The following ERC1 variants were observed in gnomAD, a reference collection of about 807,000 sequenced individuals.
ERC1 encodes the protein RAB6 interacting protein 2.
In ERC1, 56 loss-of-function variants were observed where a neutral mutation model predicts 132.0. The observed-to-expected ratio is 0.42, with a 90% CI of 0.34 to 0.53. ERC1 has a LOEUF of 0.53. Among genes scored for constraint, ERC1 ranks in the 20% least tolerant of loss-of-function variants. The pLI is 0.03. For synonymous variants in ERC1, 478 were observed against 476.1 expected, an observed-to-expected ratio of 1.00 and a Z score of -0.05; for missense variants, 1,202 against 1,349.9, an observed-to-expected ratio of 0.89 and a Z score of 1.72.
intron 17 of ERC1, among the ~76,000 whole-genome samples, chr12:1,414,724 C>T (rs1397759092): frequency 1.3e-5 from 2 of 152,076 alleles, no homozygotes; most frequent in Non-Finnish European, 2.9e-5. Flanking sequence ...CTCCCTCCTC[C>T]TCCTCCCTCC....
intron 15 of ERC1, among the ~76,000 whole-genome samples, chr12:1,300,892 G>A (rs2080341929): frequency 6.6e-6 from 1 of 151,998 alleles, no homozygotes; most frequent in Non-Finnish European, 1.5e-5. Context: ...ATGATGTGGC[G>A]ATTCCTCAAA....
intron 15 of ERC1, among the ~76,000 whole-genome samples, chr12:1,293,764 G>A (rs1566508168): frequency 6.6e-6 from 1 of 152,014 alleles, no homozygotes; most frequent in African/African-American, 2.4e-5. Context: ...ATTTAGGGGG[G>A]AAAATAAAAA....
At chr12:1,378,928 A>T (rs1394435667) in intron 16 of ERC1, among the ~76,000 whole-genome samples, 1 of 152,210 alleles carries the variant, frequency 6.6e-6, no homozygotes, top group East Asian at 1.9e-4. Flanking sequence ...CATGGTTTTG[A>T]CAAATACACT....
intron 2 of ERC1, among the ~76,000 whole-genome samples, chr12:1,072,583 G>C (rs1380433717): frequency 6.6e-6 from 1 of 151,850 alleles, no homozygotes; most frequent in Non-Finnish European, 1.5e-5. Context: ...GTGTACAAAT[G>C]TTTATACTGC....
At chr12:1,435,293 G>A (rs1158167621) in intron 17 of ERC1, among the ~76,000 whole-genome samples, 1 of 152,148 alleles carries the variant, frequency 6.6e-6, no homozygotes, top group African/African-American at 2.4e-5. Flanking sequence ...TGGAAGTAAA[G>A]ATTCTTCCCG....
At chr12:1,236,709 A>G (rs545628721) in intron 12 of ERC1, 60 bp from the exon 13 acceptor site, 3 of 1,521,204 alleles carry the variant, frequency 2.0e-6, no homozygotes, top group African/African-American at 2.8e-5. Flanking sequence ...GTCTCTAGAT[A>G]AACATATTTG....
At chr12:1,255,696 G>A (rs1594582696) in intron 13 of ERC1, among the ~76,000 whole-genome samples, 1 of 136,128 alleles carries the variant, frequency 7.3e-6, no homozygotes, top group Admixed American at 8.2e-5. Flanking sequence ...GCAGTGGCGT[G>A]ATCTCGGCTC....
intron 14 of ERC1, among the ~76,000 whole-genome samples, chr12:1,284,495 G>T (rs532396968): frequency 6.6e-6 from 1 of 152,148 alleles, no homozygotes; most frequent in African/African-American, 2.4e-5. Context: ...TCTATTTTTA[G>T]TTGTTTAAGG....
At chr12:1,116,906 G>A (rs532533186) in intron 7 of ERC1, among the ~76,000 whole-genome samples, 2 of 152,254 alleles carry the variant, frequency 1.3e-5, no homozygotes, top group South Asian at 4.1e-4. Flanking sequence ...CTTGGAAGAT[G>A]ATCTAGACTA....
At position 1,028,600 on chromosome 12, in the gene ERC1, T is replaced by C. The variant is rs746174200; in HGVS notation, c.669+28T>C. ...AAGTTCTACGTGTGTTTACCTTTAT[T>C]GGCTGAATTCATGTATATAAATGAA... is the stretch of plus-strand genomic sequence containing the variant. On this transcript the variant is annotated intron_variant, in intron 2 of 18. Transcript: ENST00000360905. 6 of 1,551,460 alleles carry C rather than the reference T, an allele frequency of 3.9e-6. No individual in the cohort carries two copies. In the Admixed American group the frequency reaches 1.2e-4, roughly 30 times the overall value.
intron 8 of ERC1, among the ~76,000 whole-genome samples, chr12:1,154,261 G>C (rs11611752): frequency 1.1e-5 from 1 of 90,712 alleles, no homozygotes; most frequent in East Asian, 2.8e-4. Context: ...ATGTATATGT[G>C]TATATATACA....
At chr12:1,280,046 G>C (rs141339510) in intron 14 of ERC1, among the ~76,000 whole-genome samples, 1,546 of 152,262 alleles carry the variant, frequency 0.01, 38 homozygotes, top group African/African-American at 0.035. Flanking sequence ...AACTTCTGTA[G>C]CAGGAAGCAC....
chr12:1,104,775 C>T lies in ERC1; in HGVS notation c.1112C>T (p.Ala371Val), dbSNP rs756440312. Residue 371 changes from alanine (A) to valine (V), a missense_variant, in exon 4 of 19, where the codon GCT becomes GTT. Physicochemically the swap from Ala to Val is moderately conservative, Grantham distance 64 (BLOSUM62 0). Transcript: ENST00000360905. ...GAGATGCATCGAAGGTTTGAGAATG[C>T]TCCTGATTCTGCCAAAACAAAAGCT... ...REEMHRRFEN[A>V]PDSAKTKALQ... 2 of 1,613,316 alleles carry T rather than the reference C, an allele frequency of 1.2e-6. No individual in the cohort carries two copies. Among genetic ancestry groups the T allele is most frequent in the Non-Finnish European group, 1.7e-6 (2 of 1,179,292 alleles).
At chr12:1,323,632 C>T (rs1011466740) in intron 15 of ERC1, among the ~76,000 whole-genome samples, 2 of 152,042 alleles carry the variant, frequency 1.3e-5, no homozygotes, top group Admixed American at 6.6e-5. Flanking sequence ...ACCTAGAGTT[C>T]GTTTTCTCAT....
intron 15 of ERC1, among the ~76,000 whole-genome samples, chr12:1,328,070 G>A (rs1366026539): frequency 6.6e-6 from 1 of 151,934 alleles, no homozygotes; most frequent in Non-Finnish European, 1.5e-5. Flanking sequence ...TAGCTAATTT[G>A]TAACTAATTT....
intron 18 of ERC1, among the ~76,000 whole-genome samples, chr12:1,478,426 A>G (rs2094016574): frequency 6.6e-6 from 1 of 152,122 alleles, no homozygotes; most frequent in Non-Finnish European, 1.5e-5. Flanking sequence ...TTTATATATT[A>G]TGGATATGCA....
chr12:1,250,228 A>T (rs985288679), intron 13 of ERC1, among the ~76,000 whole-genome samples: 1 of 152,194 alleles, frequency 6.6e-6, no homozygotes, highest in African/African-American at 2.4e-5. Flanking sequence ...CTTCTGCAGA[A>T]TCTTTTTCCT....
At chr12:1,418,545 C>T (rs1258347261) in intron 17 of ERC1, among the ~76,000 whole-genome samples, 1 of 151,986 alleles carries the variant, frequency 6.6e-6, no homozygotes, top group African/African-American at 2.4e-5. Flanking sequence ...CACAGATTTC[C>T]TTCTTTTCTG....
chr12:1,341,030 T>C (rs1340769743), intron 15 of ERC1, among the ~76,000 whole-genome samples: 1 of 149,938 alleles, frequency 6.7e-6, no homozygotes, highest in Non-Finnish European at 1.5e-5. Context: ...TATTAACATT[T>C]CTATTTTTCC....
Sources: allele counts gnomAD v4.1 joint callset (sites outside exome capture counted in the v4.1 genomes callset), GRCh38; gene constraint gnomAD v4.1.1; transcripts MANE v1.5; gene names NCBI Gene and HGNC (gene_info 2026-07-23, HGNC 2026-07-21).